TMEM132D: variants seen among roughly 807,000 people sequenced by gnomAD.
TMEM132D encodes transmembrane protein 132D.
Under a neutral mutation model 62.3 loss-of-function variants are expected in TMEM132D, and 21 were observed. The ratio of observed to expected loss-of-function variants is 0.34; its 90% CI spans 0.24 to 0.49. The LOEUF (loss-of-function observed/expected upper bound fraction) is 0.49. TMEM132D is among the 20% of genes least tolerant of loss of function. TMEM132D has a pLI of 0.99. For synonymous variants in TMEM132D, 621 were observed against 575.6 expected (o/e 1.08, Z -1.13); for missense variants, 1,346 against 1,402.8 (o/e 0.96, Z 0.65).
At chr12:129,872,338 G>A (rs1874275017) in intron 1 of TMEM132D, among the ~76,000 whole-genome samples, 2 of 152,122 alleles carry the variant, frequency 1.3e-5, no homozygotes. Flanking sequence ...ACAAATAGGA[G>A]ACACTGACAG....
rs922339154 is a variant in TMEM132D at position 129,531,093 on chromosome 12, C to G, written c.1081G>C (p.Val361Leu). ...YTGKYAPAVI[V>L]CQKKAAGSEN... ...GAGCCAGCTGCTTTCTTCTGACAAA[C>G]GATGACAGCTGGTGCATACTTTCCA... The change falls in exon 3 of 9, where the codon GTT becomes CTT. Residue 361 changes from valine (V) to leucine (L), a missense_variant. Physicochemically the swap from Val to Leu is conservative, Grantham distance 32. Transcript: ENST00000422113. The G allele has an allele frequency of 1.2e-6, 2 of 1,613,376 alleles. No homozygotes were observed. The highest frequency in any genetic ancestry group is 1.7e-6 in the Non-Finnish European group (2 of 1,179,658).
At chr12:129,253,414 A>C (rs1880321164) in intron 4 of TMEM132D, among the ~76,000 whole-genome samples, 1 of 152,112 alleles carries the variant, frequency 6.6e-6, no homozygotes, top group African/African-American at 2.4e-5. Flanking sequence ...CATTCACTTC[A>C]ACCTTTTACA....
chr12:129,205,742 C>T (rs889593427), intron 5 of TMEM132D, among the ~76,000 whole-genome samples: 2 of 152,030 alleles, frequency 1.3e-5, no homozygotes, highest in African/African-American at 4.8e-5. Context: ...GGAACATACT[C>T]CAAAATCAAC....
At chr12:129,509,933 G>A (rs1325342160) in intron 3 of TMEM132D, among the ~76,000 whole-genome samples, 1 of 152,118 alleles carries the variant, frequency 6.6e-6, no homozygotes, top group African/African-American at 2.4e-5. Flanking sequence ...AGAAACAGAG[G>A]ACTGCAGATA....
chr12:129,437,553 T>A (rs1286023351), intron 3 of TMEM132D, among the ~76,000 whole-genome samples: 1 of 152,170 alleles, frequency 6.6e-6, no homozygotes, highest in African/African-American at 2.4e-5. Flanking sequence ...TCTGACATGA[T>A]GAAATGTTGG....
intron 1 of TMEM132D, among the ~76,000 whole-genome samples, chr12:129,787,046 G>C (rs1871266009): frequency 1.3e-5 from 2 of 152,178 alleles, no homozygotes; most frequent in African/African-American, 4.8e-5. Flanking sequence ...TGCAGTGAGA[G>C]GGTCTGTGCA....
At chr12:129,094,782 C>T (rs1875044664) in intron 5 of TMEM132D, among the ~76,000 whole-genome samples, 1 of 152,060 alleles carries the variant, frequency 6.6e-6, no homozygotes, top group African/African-American at 2.4e-5. Context: ...GGAACCAAGC[C>T]AAATGTCCAA....
intron 1 of TMEM132D, among the ~76,000 whole-genome samples, chr12:129,769,750 A>G (rs1241599217): frequency 1.3e-5 from 2 of 152,206 alleles, no homozygotes; most frequent in Non-Finnish European, 2.9e-5. Flanking sequence ...CTTAACTGGT[A>G]AGGATTTTTG....
At chr12:129,847,346 T>G (rs1018840785) in intron 1 of TMEM132D, among the ~76,000 whole-genome samples, 1 of 152,198 alleles carries the variant, frequency 6.6e-6, no homozygotes, top group Non-Finnish European at 1.5e-5. Context: ...GCCTTTTGTC[T>G]GCTGTGATTA....
chr12:129,207,783 A>G (rs1321372890), intron 5 of TMEM132D, among the ~76,000 whole-genome samples: 1 of 152,134 alleles, frequency 6.6e-6, no homozygotes, highest in Non-Finnish European at 1.5e-5. Flanking sequence ...AAAAGTATTG[A>G]TCCATAATTA....
At chr12:129,088,836 T>C (rs1454773085) in intron 5 of TMEM132D, among the ~76,000 whole-genome samples, 1 of 22,288 alleles carries the variant, frequency 4.5e-5, no homozygotes, top group Non-Finnish European at 7.0e-5. Flanking sequence ...ATGACCGGGA[T>C]GTCCTCCATG....
chr12:129,129,137 C>T (rs1411198732), intron 5 of TMEM132D, among the ~76,000 whole-genome samples: 2 of 151,904 alleles, frequency 1.3e-5, no homozygotes, highest in Non-Finnish European at 2.9e-5. Flanking sequence ...CTTTGCCTCC[C>T]TTCCTCCTTC....
At position 129,326,127 on chromosome 12, in the gene TMEM132D, A is replaced by C. The variant is rs562507559; in HGVS notation, c.1299+11507T>G. ...ATCAAGCAAAAATGCAGCTCAAGCT[A>C]CCTGCCTTGGTTAATCCCGTGGACA... is the stretch of plus-strand genomic sequence containing the variant. On this transcript the variant is annotated intron_variant, in intron 4 of 8. Coordinates refer to ENST00000422113, the MANE Select transcript of TMEM132D (RefSeq NM_133448.3). Among the ~76,000 whole-genome samples the C allele has an allele frequency of 5.3e-5, 8 of 152,326 alleles. No homozygotes were observed. The South Asian group carries it at 1.7e-3, about 32-fold the overall frequency.
At chr12:129,730,386 G>A (rs1869190176) in intron 1 of TMEM132D, among the ~76,000 whole-genome samples, 1 of 152,038 alleles carries the variant, frequency 6.6e-6, no homozygotes, top group Non-Finnish European at 1.5e-5. Flanking sequence ...CCACTCCAGG[G>A]GTATGCTCCC....
intron 1 of TMEM132D, among the ~76,000 whole-genome samples, chr12:129,757,555 A>G (rs1203317146): frequency 6.6e-6 from 1 of 152,080 alleles, no homozygotes; most frequent in African/African-American, 2.4e-5. Context: ...TCACGTGCCC[A>G]AAGCCAGCCC....
At chr12:129,196,489 G>T (rs923989569) in intron 5 of TMEM132D, among the ~76,000 whole-genome samples, 1 of 152,124 alleles carries the variant, frequency 6.6e-6, no homozygotes. Flanking sequence ...TTTCTTTCTA[G>T]GTCTAAGATG....
Position 129,903,578 on chromosome 12 carries a change from C to T in TMEM132D, c.-239G>A. On this transcript the variant is annotated 5_prime_UTR_variant, in exon 1 of 9. Coordinates refer to ENST00000422113, the MANE Select transcript of TMEM132D (RefSeq NM_133448.3). This position sits in a 1 kb window ranked among gnomAD's most constrained non-coding sequence, Gnocchi z 6.2. ...GTCCAACACGCGCGCAGGCAAACCCCACCTCCCTCCTTCGACCCCAACAGA... is the reference window on the plus strand; with the variant it reads ...GTCCAACACGCGCGCAGGCAAACCCTACCTCCCTCCTTCGACCCCAACAGA... 2 of 555,128 alleles carry T rather than the reference C, an allele frequency of 3.6e-6. No individual in the cohort carries two copies. Among genetic ancestry groups the T allele is most frequent in the African/African-American group, 3.9e-5 (2 of 51,270 alleles). 34.4% of individuals were successfully genotyped at this position (555,128 alleles called of 1,614,324 possible).
intron 5 of TMEM132D, among the ~76,000 whole-genome samples, chr12:129,087,273 G>T (rs1198951088): frequency 6.6e-6 from 1 of 151,960 alleles, no homozygotes; most frequent in Non-Finnish European, 1.5e-5. Context: ...TGTCCTCCAG[G>T]TTCATCCATG....
chr12:129,436,463 C>A (rs1158420496), intron 3 of TMEM132D, among the ~76,000 whole-genome samples: 1 of 152,050 alleles, frequency 6.6e-6, no homozygotes, highest in African/African-American at 2.4e-5. Context: ...AAAGACCAAG[C>A]GTAGCAGTGG....
Sources: allele counts gnomAD v4.1 joint callset (sites outside exome capture counted in the v4.1 genomes callset), GRCh38; gene constraint gnomAD v4.1.1; non-coding constraint Gnocchi (gnomAD v3.1); transcripts MANE v1.5; gene names NCBI Gene and HGNC (gene_info 2026-07-23, HGNC 2026-07-21).